The following MMP20 variants were observed in gnomAD, a reference collection of about 807,000 sequenced individuals.
MMP20 encodes the protein matrix metallopeptidase 20, also known as matrix metalloproteinase-20.
A neutral mutation model predicts 51.8 loss-of-function variants in MMP20; 50 were observed. The observed-to-expected ratio is 0.97, with a 90% CI of 0.77 to 1.22. The LOEUF (loss-of-function observed/expected upper bound fraction) is 1.22. Among genes scored for constraint, MMP20 ranks in the 50% most tolerant of loss-of-function variants. The pLI is 0.00. For synonymous variants in MMP20, 244 were observed against 216.2 expected, an observed-to-expected ratio of 1.13 and a Z score of -1.13; for missense variants, 663 against 601.4, an observed-to-expected ratio of 1.10 and a Z score of -1.07.
At chr11:102,577,482 T>C in intron 9 of MMP20, 56 bp from the exon 10 acceptor site, 1 of 1,190,782 alleles carries the variant, frequency 8.4e-7, no homozygotes, top group Non-Finnish European at 1.2e-6. Flanking sequence ...CATATATAAA[T>C]GGAAGAATTT....
At chr11:102,583,772 G>A (rs1441937171) in intron 8 of MMP20, among the ~76,000 whole-genome samples, 1 of 152,114 alleles carries the variant, frequency 6.6e-6, no homozygotes, top group Non-Finnish European at 1.5e-5. Context: ...CCTTTTCACT[G>A]TAAGTCCCCA....
chr11:102,609,921 C>T lies in MMP20; in HGVS notation c.633G>A (p.Trp211Ter), dbSNP rs201805835. The part of the protein sequence containing the change: ...GDTHFDNAEK[W>*]TMGTNGFNLF... ...CATATATACCATTCGTTCCCATAGT[C>T]CACTTCTCAGCATTGTCGAAATGTG... is the stretch of plus-strand genomic sequence containing the variant. The change falls in exon 4 of 10, where the codon TGG (tryptophan) becomes TGA (stop). Residue 211 changes from tryptophan (W) to a stop codon, truncating the protein, a stop_gained. Coordinates refer to ENST00000260228, the MANE Select transcript of MMP20 (RefSeq NM_004771.4). LOFTEE classifies it high-confidence loss of function. 1.9e-6 allele frequency: 3 copies of T among 1,614,108 alleles called. No homozygotes were observed. The highest frequency in any genetic ancestry group is 1.7e-6 in the Non-Finnish European group (2 of 1,180,024).
Position 102,609,988 on chromosome 11 carries a change from A to G in MMP20, c.566T>C (p.Leu189Pro), listed in dbSNP as rs569599769. ...TTCTCCAGGAGCAAATGCATGGGCT[A>G]GAGTCCCCCGAGGCCCATCGAATGG... ...SYPFDGPRGT[L>P]AHAFAPGEGL... is the part of the protein sequence containing the mutation. Residue 189 changes from leucine (L) to proline (P), a missense_variant, in exon 4 of 10, where the codon CTA becomes CCA. Coordinates refer to ENST00000260228, the MANE Select transcript of MMP20 (RefSeq NM_004771.4). The G allele has an allele frequency of 1.5e-5, 25 of 1,614,060 alleles. No homozygotes were observed. Among genetic ancestry groups the G allele is most frequent in the Middle Eastern group, 1.6e-4 (1 of 6,084 alleles).
At chr11:102,619,099 A>G (rs1174778226) in intron 1 of MMP20, among the ~76,000 whole-genome samples, 3 of 152,112 alleles carry the variant, frequency 2.0e-5, no homozygotes, top group Non-Finnish European at 4.4e-5. Context: ...TTCCGTCTCT[A>G]GTTAGACCAC....
At chr11:102,621,536 T>C (rs185665331) in intron 1 of MMP20, among the ~76,000 whole-genome samples, 2 of 152,376 alleles carry the variant, frequency 1.3e-5, no homozygotes, top group East Asian at 3.9e-4. Flanking sequence ...GTCCTCAATA[T>C]GAATGCTTTT....
intron 5 of MMP20, chr11:102,607,314 G>A (rs963451550): frequency 6.2e-5 from 10 of 160,164 alleles, no homozygotes; most frequent in African/African-American, 1.7e-4. Flanking sequence ...CAAATCTTGC[G>A]AGAGCTATCA....
At chr11:102,580,284 G>A (rs1024020666) in intron 8 of MMP20, among the ~76,000 whole-genome samples, 6 of 152,244 alleles carry the variant, frequency 3.9e-5, no homozygotes, top group Admixed American at 3.9e-4. Context: ...TTCATTTAAA[G>A]TTTGAGAAAG....
At chr11:102,586,592 T>G (rs1381601684) in intron 8 of MMP20, among the ~76,000 whole-genome samples, 1 of 152,066 alleles carries the variant, frequency 6.6e-6, no homozygotes, top group African/African-American at 2.4e-5. Flanking sequence ...GGTGGGCGGA[T>G]CACGAGGTCA....
At chr11:102,604,529 C>G (rs1412346879) in intron 6 of MMP20, among the ~76,000 whole-genome samples, 3 of 152,176 alleles carry the variant, frequency 2.0e-5, no homozygotes, top group Non-Finnish European at 1.5e-5. Context: ...TTTATTGACA[C>G]TATGTGTCTG....
At chr11:102,620,705 C>A (rs188890517) in intron 1 of MMP20, among the ~76,000 whole-genome samples, 18 of 152,152 alleles carry the variant, frequency 1.2e-4, no homozygotes, top group African/African-American at 4.1e-4. Context: ...AGTTTAAGTA[C>A]GCTCCAGGAC....
intron 1 of MMP20, among the ~76,000 whole-genome samples, chr11:102,624,620 T>C (rs1396182793): frequency 1.3e-5 from 2 of 152,152 alleles, no homozygotes; most frequent in Non-Finnish European, 2.9e-5. Flanking sequence ...TTATGTACTT[T>C]GTACATAAAC....
At chr11:102,594,508 G>A in intron 7 of MMP20, 113 bp downstream of exon 7, 6 of 1,376,594 alleles carry the variant, frequency 4.4e-6, no homozygotes, top group Non-Finnish European at 5.1e-6. Context: ...AGGACAAAGA[G>A]CAACTGAAAT....
chr11:102,577,766 A>G (rs763665499), intron 9 of MMP20, among the ~76,000 whole-genome samples: 15 of 152,204 alleles, frequency 9.9e-5, no homozygotes, highest in Non-Finnish European at 2.1e-4. Context: ...CCAATCTTCA[A>G]AACCCATCTG....
intron 8 of MMP20, among the ~76,000 whole-genome samples, chr11:102,591,334 G>A (rs1418668876): frequency 6.6e-6 from 1 of 152,160 alleles, no homozygotes. Context: ...CCAATGTTAG[G>A]GGCCTTCAGT....
rs1375640255 is a variant in MMP20, at chr11:102,610,001, G to T, written c.553C>A (p.Pro185Thr). The part of the protein sequence containing the change: ...DHGDSYPFDG[P>T]RGTLAHAFAP... ...AATGCATGGGCTAGAGTCCCCCGAG[G>T]CCCATCGAATGGATAGGAATCCCCG... The change falls in exon 4 of 10, where the codon CCT becomes ACT. Residue 185 changes from proline (P) to threonine (T), a missense_variant. Pro to Thr is a conservative substitution (Grantham distance 38, BLOSUM62 -1). Transcript: ENST00000260228. 11 of 1,614,024 alleles carry T rather than the reference G, an allele frequency of 6.8e-6. No homozygotes were observed. The highest frequency in any genetic ancestry group is 1.3e-5 in the African/African-American group (1 of 74,900).
In MMP20 at chr11:102,616,954, A is replaced by G. The variant is rs1457850954; in HGVS notation, c.232T>C (p.Phe78Leu). The G allele has an allele frequency of 6.2e-7, 1 of 1,614,096 alleles. No individual in the cohort carries two copies. The highest frequency in any genetic ancestry group is 8.5e-7 in the Non-Finnish European group (1 of 1,180,056). ...MIRKIKELQA[F>L]FGLQVTGKLD... Reference sequence around the variant, plus strand: ...TTCCCGGTGACTTGGAGGCCAAAGAACGCTTGTAGCTCCTTAATCTTCCTT... The same window carrying G: ...TTCCCGGTGACTTGGAGGCCAAAGAGCGCTTGTAGCTCCTTAATCTTCCTT... Residue 78 changes from phenylalanine to leucine, a missense_variant, in exon 2 of 10, where the codon TTC (phenylalanine) becomes CTC (leucine). Phe to Leu is a conservative substitution (Grantham distance 22). Coordinates refer to ENST00000260228, the MANE Select transcript of MMP20 (RefSeq NM_004771.4).
At chr11:102,590,183 T>C (rs985711452) in intron 8 of MMP20, among the ~76,000 whole-genome samples, 3 of 152,020 alleles carry the variant, frequency 2.0e-5, no homozygotes, top group African/African-American at 7.3e-5. Context: ...AGGAAGAATA[T>C]GTAAAAGGAG....
intron 2 of MMP20, 103 bp from the exon 3 acceptor site, chr11:102,612,006 AG>A: frequency 8.7e-7 from 1 of 1,145,422 alleles, no homozygotes; most frequent in Non-Finnish European, 1.3e-6. Context: ...TCTACAATTT[AG>A]ATTTTTCTCT....
intron 6 of MMP20, among the ~76,000 whole-genome samples, chr11:102,601,146 T>C (rs1420932845): frequency 1.1e-4 from 3 of 27,864 alleles, no homozygotes; most frequent in East Asian, 6.4e-4. Context: ...TTTTTTTTTT[T>C]TTTTGAGACG....
Sources: gnomAD v4.1 joint callset for allele counts (sites outside exome capture counted in the v4.1 genomes callset) on GRCh38, gnomAD v4.1.1 for gene constraint, MANE v1.5 for transcripts, NCBI Gene and HGNC (gene_info 2026-07-23, HGNC 2026-07-21) for gene names.